Variants in PCCA observed in about 807,000 individuals in gnomAD.
PCCA encodes propionyl-CoA carboxylase subunit alpha.
In PCCA, 74 loss-of-function variants were observed where a neutral mutation model predicts 101.3. That is an observed-to-expected ratio of 0.73 (90% CI 0.61 to 0.89). The LOEUF (loss-of-function observed/expected upper bound fraction) is 0.89, where lower values mean the gene tolerates loss of function less well. Ranked by LOEUF, PCCA falls within the 40% of genes least tolerant of loss-of-function variation. The probability of loss-of-function intolerance (pLI) is 0.00; values close to 1 mark genes in which losing one functional copy is unlikely to be tolerated. For synonymous variants in PCCA, 294 were observed against 313.6 expected (o/e 0.94, Z 0.66); for missense variants, 891 against 907.0 (o/e 0.98, Z 0.23).
At chr13:100,146,305 G>A (rs979584618) in intron 4 of PCCA, among the ~76,000 whole-genome samples, 9 of 151,630 alleles carry the variant, frequency 5.9e-5, no homozygotes, top group Non-Finnish European at 1.0e-4. Context: ...GGCTGGGCGC[G>A]GTGGCTCATG....
chr13:100,205,025 G>A (rs781466626), intron 6 of PCCA, among the ~76,000 whole-genome samples: 5 of 151,750 alleles, frequency 3.3e-5, no homozygotes, highest in Non-Finnish European at 7.4e-5. Context: ...ACATTTACTT[G>A]TATTCAGATA....
intron 6 of PCCA, among the ~76,000 whole-genome samples, chr13:100,199,879 T>C (rs2058364063): frequency 6.6e-6 from 1 of 152,192 alleles, no homozygotes; most frequent in Non-Finnish European, 1.5e-5. Context: ...TGGTTCCTTA[T>C]CATCCCTCGA....
At chr13:100,310,842 A>G (rs2066854994) in intron 16 of PCCA, among the ~76,000 whole-genome samples, 1 of 152,172 alleles carries the variant, frequency 6.6e-6, no homozygotes, top group South Asian at 2.1e-4. Flanking sequence ...AGATTTTTCC[A>G]GGCTTAGTCT....
chr13:100,229,253 A>G (rs1796425199), intron 7 of PCCA, among the ~76,000 whole-genome samples: 2 of 152,208 alleles, frequency 1.3e-5, no homozygotes, highest in Non-Finnish European at 2.9e-5. Context: ...CCCAATGCCA[A>G]CAGTATTTCA....
At chr13:100,331,741 C>G (rs1257020577) in intron 17 of PCCA, among the ~76,000 whole-genome samples, 1 of 151,900 alleles carries the variant, frequency 6.6e-6, no homozygotes, top group Non-Finnish European at 1.5e-5. Flanking sequence ...AAATAAAATA[C>G]AACTAGGATA....
At chr13:100,150,908 C>A (rs939884379) in intron 4 of PCCA, 12 of 1,550,050 alleles carry the variant, frequency 7.7e-6, no homozygotes, top group Admixed American at 5.0e-5. Flanking sequence ...AACACGAATC[C>A]TATATATAAC....
At chr13:100,216,061 C>T (rs1049214364) in intron 7 of PCCA, among the ~76,000 whole-genome samples, 5 of 151,892 alleles carry the variant, frequency 3.3e-5, no homozygotes, top group African/African-American at 1.2e-4. Context: ...CTCCCTTTCC[C>T]TTCCCCTTCC....
intron 4 of PCCA, among the ~76,000 whole-genome samples, chr13:100,147,831 G>A (rs1476519817): frequency 6.6e-6 from 1 of 151,938 alleles, no homozygotes; most frequent in African/African-American, 2.4e-5. Flanking sequence ...CTTTCACTCT[G>A]GCTTGTCCGT....
intron 20 of PCCA, among the ~76,000 whole-genome samples, chr13:100,431,092 T>C (rs1273194125): frequency 6.6e-6 from 1 of 152,178 alleles, no homozygotes; most frequent in Non-Finnish European, 1.5e-5. Flanking sequence ...TTTTTTCACA[T>C]CCTGGTGAAC....
chr13:100,442,236 C>T (rs1243086824), intron 20 of PCCA, among the ~76,000 whole-genome samples: 2 of 152,104 alleles, frequency 1.3e-5, no homozygotes, highest in South Asian at 2.1e-4. Context: ...TCAAGTGATC[C>T]GCCTTCCTTG....
At chr13:100,433,341 G>A (rs1400904082) in intron 20 of PCCA, among the ~76,000 whole-genome samples, 1 of 152,214 alleles carries the variant, frequency 6.6e-6, no homozygotes, top group African/African-American at 2.4e-5. Flanking sequence ...GGGGTGAAGT[G>A]GTATCTCATT....
intron 18 of PCCA, among the ~76,000 whole-genome samples, chr13:100,343,901 C>G (rs1172263518): frequency 6.6e-6 from 1 of 152,036 alleles, no homozygotes; most frequent in Non-Finnish European, 1.5e-5. Context: ...ATGGCGAAAC[C>G]CTGTCTGTAC....
chr13:100,341,384 T>C (rs2071285817), intron 18 of PCCA, among the ~76,000 whole-genome samples: 1 of 152,196 alleles, frequency 6.6e-6, no homozygotes, highest in African/African-American at 2.4e-5. Context: ...TCTGTACACC[T>C]CAGTGCTTGT....
At chr13:100,172,621 A>G (rs2055807694) in intron 6 of PCCA, among the ~76,000 whole-genome samples, 1 of 152,254 alleles carries the variant, frequency 6.6e-6, no homozygotes, top group Non-Finnish European at 1.5e-5. Context: ...GAGAAAGACA[A>G]TCAGGAATTA....
At chr13:100,321,012 C>T (rs1210114677) in intron 16 of PCCA, among the ~76,000 whole-genome samples, 1 of 150,962 alleles carries the variant, frequency 6.6e-6, no homozygotes, top group Non-Finnish European at 1.5e-5. Flanking sequence ...TCCCAAAGGG[C>T]TGGGATTACA....
intron 16 of PCCA, among the ~76,000 whole-genome samples, chr13:100,320,788 A>G (rs1173786090): frequency 6.6e-6 from 1 of 152,062 alleles, no homozygotes; most frequent in Non-Finnish European, 1.5e-5. Context: ...GCCTCTCTGT[A>G]TTGCCTAGGC....
chr13:100,252,513 T>C (rs2061821550), intron 8 of PCCA, among the ~76,000 whole-genome samples: 1 of 152,232 alleles, frequency 6.6e-6, no homozygotes, highest in South Asian at 2.1e-4. Flanking sequence ...AGATTCTTTA[T>C]TATACAGCGT....
At chr13:100,486,885 C>T (rs887332305) in intron 21 of PCCA, among the ~76,000 whole-genome samples, 3 of 152,200 alleles carry the variant, frequency 2.0e-5, no homozygotes, top group Non-Finnish European at 4.4e-5. Flanking sequence ...TACCACTGCA[C>T]TCCAGCTTGG....
chr13:100,407,320 A>G (rs2077745750), intron 19 of PCCA, among the ~76,000 whole-genome samples: 1 of 152,240 alleles, frequency 6.6e-6, no homozygotes, highest in African/African-American at 2.4e-5. Context: ...ACTATCCGAA[A>G]AGCCAGTTGT....
Sources: gnomAD v4.1 joint callset for allele counts (sites outside exome capture counted in the v4.1 genomes callset) on GRCh38, gnomAD v4.1.1 for gene constraint, MANE v1.5 for transcripts, NCBI Gene and HGNC (gene_info 2026-07-23, HGNC 2026-07-21) for gene names.